SYBU: variants seen among roughly 807,000 people sequenced by gnomAD.
SYBU encodes the protein syntabulin.
SYBU carries 21 observed loss-of-function variants against 35.9 expected under a neutral mutation model. That is an observed-to-expected ratio of 0.58 (90% CI 0.41 to 0.84). The LOEUF is 0.84. Among genes scored for constraint, SYBU ranks in the 40% least tolerant of loss-of-function variants. The pLI, the probability that SYBU is intolerant of heterozygous loss-of-function variation, is 0.00. For missense variants in SYBU, 768 were observed against 848.2 expected, an observed-to-expected ratio of 0.91 and a Z score of 1.17; for synonymous variants, 319 against 324.3, an observed-to-expected ratio of 0.98 and a Z score of 0.18.
intron 1 of SYBU, among the ~76,000 whole-genome samples, chr8:109,672,774 T>TTTAAAGC (rs1177199281): frequency 2.0e-5 from 3 of 152,306 alleles, no homozygotes; most frequent in Non-Finnish European, 2.9e-5. Flanking sequence ...CAAGCTAAGA[T>TTTAAAGC]CCACTGGCTT....
At chr8:109,628,391 T>G (rs1813211772) in intron 2 of SYBU, among the ~76,000 whole-genome samples, 1 of 151,468 alleles carries the variant, frequency 6.6e-6, no homozygotes, top group Admixed American at 6.6e-5. Context: ...CAGGCTGAAG[T>G]GTAGCAATCA....
upstream of SYBU, chr8:109,645,033 C>T (rs1815482636): frequency 6.1e-6 from 3 of 489,668 alleles, no homozygotes; most frequent in Non-Finnish European, 1.2e-5. Context: ...CCAAGGAGCT[C>T]GGCCCGGTGT....
At chr8:109,653,638 T>C (rs1375876829) in intron 1 of SYBU, among the ~76,000 whole-genome samples, 2 of 152,198 alleles carry the variant, frequency 1.3e-5, no homozygotes, top group Non-Finnish European at 1.5e-5. Flanking sequence ...TTCTAGTGCA[T>C]GTTCTCTCCT....
intron 1 of SYBU, among the ~76,000 whole-genome samples, chr8:109,668,480 G>A (rs1439013329): frequency 1.3e-5 from 2 of 152,138 alleles, no homozygotes. Context: ...ATATTACTAT[G>A]ACTTGCTTTC....
At chr8:109,677,863 G>A (rs796431262) in intron 1 of SYBU, among the ~76,000 whole-genome samples, 24 of 152,096 alleles carry the variant, frequency 1.6e-4, no homozygotes, top group African/African-American at 3.4e-4. Context: ...AAGTAAGTCC[G>A]GGAGCTCACA....
chr8:109,638,281 G>T (rs1020335541), intron 2 of SYBU, among the ~76,000 whole-genome samples: 1 of 152,186 alleles, frequency 6.6e-6, no homozygotes, highest in Non-Finnish European at 1.5e-5. Context: ...ACTGATGTAT[G>T]TGCCTGACAC....
At chr8:109,686,717 GT>G (rs34852078) in intron 1 of SYBU, among the ~76,000 whole-genome samples, 46,474 of 151,980 alleles carry the variant, frequency 0.31, 8,236 homozygotes, top group East Asian at 0.52. Flanking sequence ...GATTTTTAAG[GT>G]TTTTAAGTCA....
intron 2 of SYBU, among the ~76,000 whole-genome samples, chr8:109,623,588 C>T (rs1291961428): frequency 2.6e-5 from 4 of 152,062 alleles, no homozygotes; most frequent in Admixed American, 6.5e-5. Flanking sequence ...ATTTTGTAGC[C>T]TAAATGTTGT....
At chr8:109,626,940 T>C (rs1813046953) in intron 2 of SYBU, among the ~76,000 whole-genome samples, 2 of 152,230 alleles carry the variant, frequency 1.3e-5, no homozygotes, top group African/African-American at 4.8e-5. Flanking sequence ...ATTAATAAAA[T>C]ATTTCTTCAA....
chr8:109,645,026 A>G, upstream of SYBU: 2 of 483,356 alleles, frequency 4.1e-6, no homozygotes, highest in Non-Finnish European at 3.9e-6. Context: ...TCCCTCTCCA[A>G]GGAGCTCGGC....
intron 2 of SYBU, among the ~76,000 whole-genome samples, chr8:109,630,885 G>T (rs1210774877): frequency 6.6e-6 from 1 of 152,150 alleles, no homozygotes; most frequent in African/African-American, 2.4e-5. Context: ...ACAAGCCCTT[G>T]GGGAGGACAG....
At chr8:109,635,158 C>T (rs1372082910) in intron 2 of SYBU, among the ~76,000 whole-genome samples, 1 of 152,184 alleles carries the variant, frequency 6.6e-6, no homozygotes, top group Non-Finnish European at 1.5e-5. Context: ...TGCTCACCAC[C>T]AATTTGCTGC....
chr8:109,646,915 T>C (rs549925349), upstream of SYBU: 1 of 152,346 alleles, frequency 6.6e-6, no homozygotes, highest in South Asian at 2.1e-4. Flanking sequence ...ATTATCTTCG[T>C]GTAGAGTGTA....
Position 109,586,168 on chromosome 8 carries a change from A to C in SYBU, c.428-6T>G. 6.3e-7 allele frequency: 1 copy of C among 1,596,402 alleles called. No homozygotes were observed. The highest frequency in any genetic ancestry group is 8.5e-7 in the Non-Finnish European group (1 of 1,170,490). On this transcript the variant is annotated splice_polypyrimidine_tract_variant and splice_region_variant and intron_variant, in intron 3 of 6. Coordinates refer to ENST00000276646, the MANE Select transcript of SYBU (RefSeq NM_001099754.2). ...GCTAAAATCAGCTTCACTACCTGAA[A>C]AACAACAGGGGAGAGAGAAGCGTGA...
intron 3 of SYBU, among the ~76,000 whole-genome samples, chr8:109,591,506 ATTT>A (rs1047402673): frequency 9.9e-5 from 10 of 100,910 alleles, no homozygotes; most frequent in African/African-American, 2.8e-4. Flanking sequence ...AAAAATGTAA[ATTT>A]TTTTTTTTTT....
At chr8:109,599,506 ATCT>A (rs1190102679) in intron 3 of SYBU, among the ~76,000 whole-genome samples, 1 of 152,154 alleles carries the variant, frequency 6.6e-6, no homozygotes, top group Non-Finnish European at 1.5e-5. Flanking sequence ...TGCCCAGGTG[ATCT>A]TCTACGCACA....
intron 4 of SYBU, chr8:109,580,328 G>C (rs911562286): frequency 2.2e-4 from 50 of 222,782 alleles, no homozygotes; most frequent in African/African-American, 1.0e-3. Context: ...TTTGGAGGCT[G>C]TTTATTTTGG....
intron 3 of SYBU, among the ~76,000 whole-genome samples, chr8:109,588,888 G>A (rs1231621425): frequency 6.6e-6 from 1 of 152,166 alleles, no homozygotes; most frequent in South Asian, 2.1e-4. Flanking sequence ...GGCTGGGCAT[G>A]GTGGCTCACG....
chr8:109,638,725 T>G (rs1284484106), intron 2 of SYBU, among the ~76,000 whole-genome samples: 1 of 152,102 alleles, frequency 6.6e-6, no homozygotes, highest in Admixed American at 6.6e-5. Flanking sequence ...CTTAACTGTC[T>G]CCAACTAAGG....
Sources: allele counts gnomAD v4.1 joint callset (sites outside exome capture counted in the v4.1 genomes callset), GRCh38; gene constraint gnomAD v4.1.1; transcripts MANE v1.5; gene names NCBI Gene and HGNC (gene_info 2026-07-23, HGNC 2026-07-21).